Variants in PHF21A observed in about 807,000 individuals in gnomAD.
PHF21A encodes PHD finger protein 21A.
PHF21A carries 11 observed loss-of-function variants against 82.5 expected under a neutral mutation model. The ratio of observed to expected loss-of-function variants is 0.13; its 90% confidence interval spans 0.08 to 0.22. PHF21A has a LOEUF of 0.22. Among genes scored for constraint, PHF21A ranks in the 10% least tolerant of loss-of-function variants. The pLI is 1.00. For missense variants in PHF21A, 579 were observed against 837.8 expected, an observed-to-expected ratio of 0.69 and a Z score of 3.81; for synonymous variants, 297 against 302.8, an observed-to-expected ratio of 0.98 and a Z score of 0.20.
Position 45,999,046 on chromosome 11 carries a change from C to T in PHF21A, c.154-19080G>A, listed in dbSNP as rs530481323. ...TTCACCATGTTGGCCAGGCTGGTCT[C>T]AAACTCCTGAGCTCAAGTGATCTGC... On this transcript the variant is annotated intron_variant, in intron 6 of 18. Coordinates refer to ENST00000676320, the MANE Select transcript of PHF21A (RefSeq NM_001352027.3). Among the ~76,000 whole-genome samples, 3 of 152,174 alleles carry T rather than the reference C, an allele frequency of 2.0e-5. No homozygotes were observed. The South Asian group carries it at 6.2e-4, about 32-fold the overall frequency.
At chr11:45,986,084 A>AACACACACACACACACACAC (rs60179976) in intron 6 of PHF21A, among the ~76,000 whole-genome samples, 39,318 of 131,930 alleles carry the variant, frequency 0.3, 6,271 homozygotes, top group South Asian at 0.38. Context: ...CTTCCTTCAA[A>AACACACACACACACACACAC]ACACACACAC....
At chr11:46,007,206 C>G (rs1056988390) in intron 6 of PHF21A, among the ~76,000 whole-genome samples, 1 of 152,152 alleles carries the variant, frequency 6.6e-6, no homozygotes, top group Admixed American at 6.6e-5. Flanking sequence ...TAGTGAGGTT[C>G]TAAGAGATGA....
At chr11:45,958,396 CAAAA>C (rs1159762183) in intron 10 of PHF21A, among the ~76,000 whole-genome samples, 1 of 1,064 alleles carries the variant, frequency 9.4e-4, no homozygotes. Context: ...AACCTGGTCT[CAAAA>C]AAAAAAAAAA....
chr11:45,941,460 C>A (rs993131530), intron 15 of PHF21A, among the ~76,000 whole-genome samples: 2 of 152,150 alleles, frequency 1.3e-5, no homozygotes, highest in African/African-American at 4.8e-5. Context: ...ATCTGGTAAA[C>A]CCCACTGTTC....
At chr11:46,002,854 A>G (rs2095183330) in intron 6 of PHF21A, among the ~76,000 whole-genome samples, 1 of 152,206 alleles carries the variant, frequency 6.6e-6, no homozygotes, top group Non-Finnish European at 1.5e-5. Flanking sequence ...AGTCTCTAGA[A>G]CAAAGCAAAA....
chr11:46,019,428 A>G (rs927621869), intron 6 of PHF21A, among the ~76,000 whole-genome samples: 10 of 152,192 alleles, frequency 6.6e-5, no homozygotes, highest in African/African-American at 2.4e-4. Flanking sequence ...TTTATAAACT[A>G]AGTGGGAATG....
At chr11:46,099,081 T>G in intron 1 of PHF21A, among the ~76,000 whole-genome samples, 1 of 152,190 alleles carries the variant, frequency 6.6e-6, no homozygotes, top group Non-Finnish European at 1.5e-5. Flanking sequence ...TAAGAAAATT[T>G]TATAAAATAG....
At chr11:45,940,661 A>ATGATTTTC (rs758872460) in intron 15 of PHF21A, among the ~76,000 whole-genome samples, 3 of 151,986 alleles carry the variant, frequency 2.0e-5, no homozygotes, top group East Asian at 3.8e-4. Flanking sequence ...TCATTATTAA[A>ATGATTTTC]ATCAGGCTGA....
intron 10 of PHF21A, among the ~76,000 whole-genome samples, chr11:45,963,695 A>C (rs2093257788): frequency 6.6e-6 from 1 of 152,192 alleles, no homozygotes; most frequent in Non-Finnish European, 1.5e-5. Context: ...AAAAAGAGGT[A>C]AAGAGAAATA....
intron 1 of PHF21A, among the ~76,000 whole-genome samples, chr11:46,105,448 C>A (rs948174065): frequency 7.2e-5 from 11 of 151,974 alleles, no homozygotes; most frequent in Admixed American, 5.9e-4. Context: ...TGGTTAAGAG[C>A]CCCCAGCCCA....
chr11:46,104,611 A>G (rs2097134187), intron 1 of PHF21A, among the ~76,000 whole-genome samples: 1 of 152,186 alleles, frequency 6.6e-6, no homozygotes, highest in South Asian at 2.1e-4. Context: ...AAACCTCTCC[A>G]GCTAAATTGT....
chr11:45,978,042 C>T (rs926765953), intron 7 of PHF21A, among the ~76,000 whole-genome samples: 39 of 152,196 alleles, frequency 2.6e-4, no homozygotes, highest in Admixed American at 2.3e-3. Context: ...TGGCTCACAC[C>T]TGTAATCCTA....
rs59807950 is a variant in PHF21A, at chr11:45,974,418, A to AATTATTATTATT, written c.361-3063_361-3052dup. On this transcript the variant is annotated intron_variant, in intron 7 of 18. Coordinates refer to ENST00000676320, the MANE Select transcript of PHF21A (RefSeq NM_001352027.3). ...TAGAGAAGAAAGGTGTCAAACGACA[A>AATTATTATTATT]ATTATTATTATTATTATTATTATTA... Among the ~76,000 whole-genome samples, 265 of 147,322 alleles carry AATTATTATTATT rather than the reference A, an allele frequency of 1.8e-3. 1 individual carries two copies. The highest frequency in any genetic ancestry group is 6.4e-3 in the African/African-American group (255 of 40,044).
intron 1 of PHF21A, chr11:46,120,469 T>C (rs1423533560): frequency 1.4e-5 from 2 of 145,814 alleles, no homozygotes; most frequent in Admixed American, 6.8e-5. Context: ...ACGCCGCCTC[T>C]GTCACCGGCT....
intron 1 of PHF21A, among the ~76,000 whole-genome samples, chr11:46,112,575 T>G (rs978595986): frequency 6.6e-6 from 1 of 152,202 alleles, no homozygotes; most frequent in Non-Finnish European, 1.5e-5. Context: ...TTTCTCTGCC[T>G]CAGACTACAT....
chr11:45,950,330 G>A (rs1485599165), intron 11 of PHF21A, 73 bp from the exon 12 acceptor site: 1 of 1,310,674 alleles, frequency 7.6e-7, no homozygotes, highest in Admixed American at 1.8e-5. Context: ...GTTCCTAGTA[G>A]GACATTAGGG....
At position 45,953,514 on chromosome 11, in the gene PHF21A, A is replaced by C. The variant is rs1035074877; in HGVS notation, c.1095+13T>G. 1.9e-6 allele frequency: 3 copies of C among 1,562,670 alleles called. No homozygotes were observed. Among genetic ancestry groups the C allele is most frequent in the Non-Finnish European group, 2.6e-6 (3 of 1,133,226 alleles). On this transcript the variant is annotated intron_variant, in intron 11 of 18. Coordinates refer to ENST00000676320, the MANE Select transcript of PHF21A (RefSeq NM_001352027.3). ...CCATAGACTGAGACCTGCCTTTGGAAACATAGGCCTACCTGAGGGTTCTCC... is the reference window on the plus strand; with the variant it reads ...CCATAGACTGAGACCTGCCTTTGGACACATAGGCCTACCTGAGGGTTCTCC...
Position 45,945,886 on chromosome 11 carries a change from G to A in PHF21A, c.1406C>T (p.Pro469Leu). The change falls in exon 15 of 19, where the codon CCT becomes CTT. Residue 469 changes from proline to leucine, a missense_variant. By Grantham distance (98) the Pro-to-Leu change is moderately conservative. Around this residue, in one of 3 missense-constraint regions of PHF21A, gnomAD observed 410 missense variants for 642.1 expected, o/e 0.64. Coordinates refer to ENST00000676320, the MANE Select transcript of PHF21A (RefSeq NM_001352027.3). ...NEKTETTFTF[P>L]APVQPVSLPS... ...CAGGGACACAGGCTGAACAGGTGCAGGGAAAGTGAATGTGGTCTCTGTCTT... is the reference window on the plus strand; with the variant it reads ...CAGGGACACAGGCTGAACAGGTGCAAGGAAAGTGAATGTGGTCTCTGTCTT... The A allele has an allele frequency of 6.2e-7, 1 of 1,610,274 alleles. No homozygotes were observed. The highest frequency in any genetic ancestry group is 8.5e-7 in the Non-Finnish European group (1 of 1,178,080).
chr11:46,070,600 G>C (rs1055296427), intron 6 of PHF21A, among the ~76,000 whole-genome samples: 2 of 152,060 alleles, frequency 1.3e-5, no homozygotes, highest in African/African-American at 4.8e-5. Flanking sequence ...CAAAATGCTG[G>C]GATTACAGCC....
Sources: gnomAD v4.1 joint callset for allele counts (sites outside exome capture counted in the v4.1 genomes callset) on GRCh38, gnomAD v4.1.1 for gene constraint, gnomAD v4.1.1 regional missense constraint, MANE v1.5 for transcripts, NCBI Gene and HGNC (gene_info 2026-07-23, HGNC 2026-07-21) for gene names.